Variants in SPOCK2 observed in about 807,000 individuals in gnomAD.
SPOCK2 encodes testican-2.
In SPOCK2, 39 loss-of-function variants were observed where a neutral mutation model predicts 60.1. The observed-to-expected ratio is 0.65, with a 90% confidence interval of 0.50 to 0.85. The LOEUF (loss-of-function observed/expected upper bound fraction) is 0.85, where lower values mean the gene tolerates loss of function less well. Among genes scored for constraint, SPOCK2 ranks in the 40% least tolerant of loss-of-function variants. The pLI is 0.00. For missense variants in SPOCK2, 523 were observed against 567.4 expected (o/e 0.92, Z 0.80); for synonymous variants, 217 against 231.5 (o/e 0.94, Z 0.57).
chr10:72,062,826 T>G lies in SPOCK2; in HGVS notation c.1209A>C (p.Ala403=), dbSNP rs753248395. ...CCTCCTCCTCCTCGGCCTCCTCGCCTGCTTCCTCCGTCTCCTTCTCCTCCT... is the reference window on the plus strand; with the variant it reads ...CCTCCTCCTCCTCGGCCTCCTCGCCGGCTTCCTCCGTCTCCTTCTCCTCCT... ...EDEEEKETEE[A]GEEAEEEEGE... is the part of the protein sequence containing the mutation. Residue 403 remains alanine (A), a synonymous_variant, in exon 11 of 11, where the codon GCA becomes GCC. Transcript: ENST00000373109. This position sits in a 1 kb window ranked among gnomAD's most constrained non-coding sequence, Gnocchi z 4.3. 6.2e-7 allele frequency: 1 copy of G among 1,609,660 alleles called. No homozygotes were observed. The highest frequency in any genetic ancestry group is 1.1e-5 in the South Asian group (1 of 90,912).
chr10:72,064,412 G>A (rs2242250), intron 8 of SPOCK2, among the ~76,000 whole-genome samples, 172 bp from the exon 9 acceptor site: 51,038 of 152,116 alleles, frequency 0.34, 9,797 homozygotes, highest in Middle Eastern at 0.48. Context: ...TCTATGGCAC[G>A]AAAACGCTCA....
At chr10:72,074,111 A>T (rs1455800382) in intron 1 of SPOCK2, among the ~76,000 whole-genome samples, 3 of 152,058 alleles carry the variant, frequency 2.0e-5, no homozygotes, top group Non-Finnish European at 4.4e-5. Flanking sequence ...GGGTGAGCAG[A>T]GCTGTCAGGT....
chr10:72,065,991 CGATCCCCCACCAAGATGGG>C (rs1302380490), intron 8 of SPOCK2, among the ~76,000 whole-genome samples: 2 of 152,182 alleles, frequency 1.3e-5, no homozygotes, highest in Admixed American at 1.3e-4. Context: ...CCCTGACTGC[CGATCCCCCACCAAGATGGG>C]GAGAAGCATC....
chr10:72,071,769 C>G (rs148744101), intron 4 of SPOCK2, among the ~76,000 whole-genome samples: 1 of 152,064 alleles, frequency 6.6e-6, no homozygotes, highest in South Asian at 2.1e-4. Flanking sequence ...TGAAGGCAGC[C>G]GCCATGTTGT....
chr10:72,066,571 G>A (rs1840570862), intron 8 of SPOCK2, among the ~76,000 whole-genome samples: 1 of 151,124 alleles, frequency 6.6e-6, no homozygotes, highest in Admixed American at 6.6e-5. Flanking sequence ...CAACTCCTGG[G>A]TCACATGATC....
chr10:72,068,595 CCT>C (rs368780020), intron 5 of SPOCK2: 71 of 398,614 alleles, frequency 1.8e-4, no homozygotes, highest in Middle Eastern at 6.6e-4. Flanking sequence ...CTCCCCTGCC[CCT>C]GTCACCCCTC....
rs1045222630 is a variant in SPOCK2, at chr10:72,082,666, C to G, written c.189+5474G>C. On this transcript the variant is annotated intron_variant, in intron 1 of 10. Transcript: ENST00000373109. Reference sequence around the variant, plus strand: ...TCCAGGAGTTCAAGACCAGCAAGGGCAACATGGTGAAACCCCCTGTCTACA... The same window carrying G: ...TCCAGGAGTTCAAGACCAGCAAGGGGAACATGGTGAAACCCCCTGTCTACA... Among the ~76,000 whole-genome samples, 12 of 151,840 alleles carry G rather than the reference C, an allele frequency of 7.9e-5. No individual in the cohort carries two copies. The East Asian group carries it at 2.3e-3, about 29-fold the overall frequency.
chr10:72,075,431 A>G (rs1346422594), intron 1 of SPOCK2, among the ~76,000 whole-genome samples: 1 of 152,160 alleles, frequency 6.6e-6, no homozygotes, highest in Non-Finnish European at 1.5e-5. Context: ...AGGTGCCTCC[A>G]GCCCCTGGGT....
intron 5 of SPOCK2, among the ~76,000 whole-genome samples, chr10:72,069,608 C>T (rs1840618025): frequency 6.6e-6 from 1 of 152,012 alleles, no homozygotes; most frequent in African/African-American, 2.4e-5. Flanking sequence ...CAGGCACACG[C>T]CACTGCACCC....
chr10:72,086,128 T>C, intron 1 of SPOCK2: 1 of 936,730 alleles, frequency 1.1e-6, no homozygotes, highest in Non-Finnish European at 1.3e-6. Flanking sequence ...TAAATGGGGT[T>C]TTAGAGGACA....
intron 7 of SPOCK2, 94 bp from the exon 8 acceptor site, chr10:72,067,214 C>T: frequency 7.7e-7 from 1 of 1,290,390 alleles, no homozygotes; most frequent in Non-Finnish European, 1.1e-6. Flanking sequence ...CCCCAGCCCT[C>T]TATTCTGGGT....
intron 1 of SPOCK2, among the ~76,000 whole-genome samples, chr10:72,077,287 AT>A (rs1475943222): frequency 6.6e-6 from 1 of 151,630 alleles, no homozygotes; most frequent in Admixed American, 6.6e-5. Flanking sequence ...TGCCTGTCTA[AT>A]TTTTATTGTG....
chr10:72,077,801 C>A (rs997496599), intron 1 of SPOCK2, among the ~76,000 whole-genome samples: 6 of 152,184 alleles, frequency 3.9e-5, no homozygotes, highest in African/African-American at 1.2e-4. Flanking sequence ...CCGTGCCACC[C>A]TCACCAACCC....
rs551600811 is a variant in SPOCK2 at position 72,081,825 on chromosome 10, G to A, written c.189+6315C>T. Among the ~76,000 whole-genome samples, 7 of 152,262 alleles carry A rather than the reference G, an allele frequency of 4.6e-5. No homozygotes were observed. The South Asian group carries it at 1.2e-3, about 27-fold the overall frequency. Reference sequence around the variant, plus strand: ...AAATCACCCACACAATCAGACCAGCGCCCCAGCCCCTCTTTACTTGAACCC... The same window carrying A: ...AAATCACCCACACAATCAGACCAGCACCCCAGCCCCTCTTTACTTGAACCC... On this transcript the variant is annotated intron_variant, in intron 1 of 10. Coordinates refer to ENST00000373109, the MANE Select transcript of SPOCK2 (RefSeq NM_001244950.2).
intron 1 of SPOCK2, 31 bp downstream of exon 1, chr10:72,088,109 G>C: frequency 6.2e-7 from 1 of 1,607,692 alleles, no homozygotes; most frequent in Non-Finnish European, 8.5e-7. Context: ...CGCAACCCCG[G>C]GTCTCTGCCT....
chr10:72,072,077 G>A, intron 4 of SPOCK2, 67 bp downstream of exon 4: 1 of 1,272,520 alleles, frequency 7.9e-7, no homozygotes, highest in Non-Finnish European at 1.0e-6. Flanking sequence ...CATAAGGAGA[G>A]GGTCAGTTGA....
chr10:72,063,288 T>G, intron 9 of SPOCK2, 126 bp from the exon 10 acceptor site: 1 of 1,374,948 alleles, frequency 7.3e-7, no homozygotes, highest in Non-Finnish European at 9.7e-7. Flanking sequence ...CCAGACCGGG[T>G]GCTGACCCCC....
intron 7 of SPOCK2, 91 bp downstream of exon 7, chr10:72,067,522 G>A: frequency 1.3e-6 from 2 of 1,573,098 alleles, no homozygotes. Flanking sequence ...TGGCAGGAAG[G>A]AACAAGGGCA....
At chr10:72,074,920 C>T (rs1283185681) in intron 1 of SPOCK2, among the ~76,000 whole-genome samples, 2 of 152,072 alleles carry the variant, frequency 1.3e-5, no homozygotes, top group Admixed American at 6.6e-5. Context: ...CCAAGAGTCC[C>T]GCAGCCCCTG....
Sources: allele counts gnomAD v4.1 joint callset (sites outside exome capture counted in the v4.1 genomes callset), GRCh38; gene constraint gnomAD v4.1.1; non-coding constraint Gnocchi (gnomAD v3.1); transcripts MANE v1.5; gene names NCBI Gene and HGNC (gene_info 2026-07-23, HGNC 2026-07-21).